SLCO3A1: variants seen among roughly 807,000 people sequenced by gnomAD.
SLCO3A1 encodes PGE1 transporter.
A neutral mutation model predicts 63.1 loss-of-function variants in SLCO3A1; 27 were observed. That is an observed-to-expected ratio of 0.43 (90% CI 0.32 to 0.59). The LOEUF is 0.59. Ranked by LOEUF, SLCO3A1 falls within the 20% of genes least tolerant of loss-of-function variation. The pLI is 0.09. For missense variants in SLCO3A1, 773 were observed against 945.8 expected, an observed-to-expected ratio of 0.82 and a Z score of 2.40; for synonymous variants, 473 against 409.9, an observed-to-expected ratio of 1.15 and a Z score of -1.86.
intron 2 of SLCO3A1, among the ~76,000 whole-genome samples, chr15:91,982,622 A>G (rs1368777273): frequency 1.3e-5 from 2 of 152,216 alleles, no homozygotes; most frequent in Admixed American, 6.5e-5. Context: ...CTCCCTCTAT[A>G]GAGTTTCTGA....
At position 92,033,225 on chromosome 15, in the gene SLCO3A1, TTAGAA is replaced by T. The variant is rs2046678064; in HGVS notation, c.647-61655_647-61651del. ...GGCCATGCCTACGTAAATGTATTGA[TTAGAA>T]AAGAGTCAAGTTGAAGGAGATTTCT... On this transcript the variant is annotated intron_variant, in intron 2 of 9. Transcript: ENST00000318445. The surrounding 1 kb of genome is among the most constrained non-coding windows in gnomAD (Gnocchi z 4.5). Among the ~76,000 whole-genome samples, 1 of 152,184 alleles carries T rather than the reference TTAGAA, an allele frequency of 6.6e-6. No individual in the cohort carries two copies. The highest frequency in any genetic ancestry group is 1.5e-5 in the Non-Finnish European group (1 of 68,030).
chr15:92,150,222 T>C (rs2048286902), intron 8 of SLCO3A1, among the ~76,000 whole-genome samples: 2 of 152,148 alleles, frequency 1.3e-5, no homozygotes, highest in Non-Finnish European at 2.9e-5. Flanking sequence ...ATCTGGTCTT[T>C]TCATGTTTTT....
chr15:91,893,609 C>A (rs1897930079), intron 1 of SLCO3A1, among the ~76,000 whole-genome samples: 1 of 152,180 alleles, frequency 6.6e-6, no homozygotes, highest in Admixed American at 6.5e-5. Flanking sequence ...CTAATACTAT[C>A]ACATTGGTGG....
intron 1 of SLCO3A1, among the ~76,000 whole-genome samples, chr15:91,913,622 G>A (rs923215060): frequency 6.6e-6 from 1 of 152,188 alleles, no homozygotes; most frequent in African/African-American, 2.4e-5. Context: ...TTAGTAACGG[G>A]AAATTGAATA....
intron 2 of SLCO3A1, among the ~76,000 whole-genome samples, chr15:91,986,213 A>G (rs1457628050): frequency 1.3e-5 from 2 of 152,104 alleles, no homozygotes; most frequent in African/African-American, 2.4e-5. Context: ...CTGTCCAGGT[A>G]GGGGTGTGAT....
intron 2 of SLCO3A1, among the ~76,000 whole-genome samples, chr15:91,989,911 A>G (rs976821278): frequency 6.6e-6 from 1 of 152,222 alleles, no homozygotes; most frequent in Admixed American, 6.5e-5. Flanking sequence ...AGAGAGTAGA[A>G]AGATTATGAG....
intron 2 of SLCO3A1, among the ~76,000 whole-genome samples, chr15:92,017,102 C>G (rs769035049): frequency 1.3e-5 from 2 of 152,094 alleles, no homozygotes; most frequent in Non-Finnish European, 2.9e-5. Flanking sequence ...CCATAAAAAG[C>G]GACTAGATAC....
intron 2 of SLCO3A1, among the ~76,000 whole-genome samples, chr15:91,974,886 G>A (rs1411512813): frequency 6.6e-6 from 1 of 152,122 alleles, no homozygotes; most frequent in Admixed American, 6.5e-5. Context: ...AAATCTTGCT[G>A]GCACTAGATA....
chr15:91,901,239 T>C (rs1226137164), intron 1 of SLCO3A1, among the ~76,000 whole-genome samples: 1 of 152,200 alleles, frequency 6.6e-6, no homozygotes, highest in Non-Finnish European at 1.5e-5. Context: ...CTCTAGAACA[T>C]GGAAACTTTC....
intron 2 of SLCO3A1, among the ~76,000 whole-genome samples, chr15:92,022,957 G>GAAGCC (rs1160075854): frequency 1.3e-4 from 20 of 152,284 alleles, no homozygotes; most frequent in African/African-American, 4.6e-4. Context: ...GGGATTCTGG[G>GAAGCC]TGTCAGAGTA....
intron 2 of SLCO3A1, among the ~76,000 whole-genome samples, chr15:91,931,082 A>T (rs1305265051): frequency 6.6e-6 from 1 of 152,236 alleles, no homozygotes; most frequent in African/African-American, 2.4e-5. Context: ...ATGTGCTCAG[A>T]AATATTTTAC....
chr15:92,080,245 A>G (rs1230745510), intron 2 of SLCO3A1, among the ~76,000 whole-genome samples: 1 of 152,184 alleles, frequency 6.6e-6, no homozygotes, highest in Non-Finnish European at 1.5e-5. Flanking sequence ...AGGCCTGGGT[A>G]GTAATCAGTT....
At chr15:92,003,291 G>A (rs796188888) in intron 2 of SLCO3A1, among the ~76,000 whole-genome samples, 1 of 152,310 alleles carries the variant, frequency 6.6e-6, no homozygotes, top group African/African-American at 2.4e-5. Flanking sequence ...TTAATTGATG[G>A]TTGAACACTG....
chr15:92,049,338 G>A (rs1209013734), intron 2 of SLCO3A1, among the ~76,000 whole-genome samples: 1 of 152,186 alleles, frequency 6.6e-6, no homozygotes, highest in East Asian at 1.9e-4. Context: ...GATTGGCTCA[G>A]CTCGGGTGAG....
At chr15:91,911,364 T>C (rs1262263276) in intron 1 of SLCO3A1, among the ~76,000 whole-genome samples, 1 of 152,184 alleles carries the variant, frequency 6.6e-6, no homozygotes, top group Non-Finnish European at 1.5e-5. Context: ...ATGAGCAGCA[T>C]CAGTGTCACC....
intron 1 of SLCO3A1, among the ~76,000 whole-genome samples, chr15:91,878,085 CTTT>C (rs757889262): frequency 2.5e-5 from 3 of 119,838 alleles, no homozygotes; most frequent in Non-Finnish European, 5.0e-5. Context: ...GGATTTAGGC[CTTT>C]TTTTTTTTTT....
At chr15:92,140,452 C>A (rs1294267564) in intron 7 of SLCO3A1, among the ~76,000 whole-genome samples, 1 of 151,396 alleles carries the variant, frequency 6.6e-6, no homozygotes, top group Non-Finnish European at 1.5e-5. Context: ...AACGTATATT[C>A]TGTTGATTTG....
intron 2 of SLCO3A1, among the ~76,000 whole-genome samples, chr15:92,084,319 G>A (rs1567110664): frequency 6.6e-6 from 1 of 152,188 alleles, no homozygotes; most frequent in Non-Finnish European, 1.5e-5. Context: ...AACAGCTGAT[G>A]GTTTTTGAGA....
chr15:92,090,302 T>G (rs1218139644), intron 2 of SLCO3A1, among the ~76,000 whole-genome samples: 3 of 152,230 alleles, frequency 2.0e-5, no homozygotes, highest in Non-Finnish European at 4.4e-5. Flanking sequence ...CAGGTATTGC[T>G]GTGTTTCCCT....
Sources: gnomAD v4.1 joint callset for allele counts (sites outside exome capture counted in the v4.1 genomes callset) on GRCh38, gnomAD v4.1.1 for gene constraint, Gnocchi (gnomAD v3.1) non-coding constraint, MANE v1.5 for transcripts, NCBI Gene and HGNC (gene_info 2026-07-23, HGNC 2026-07-21) for gene names.